Variants in TRERF1 observed in about 807,000 individuals in gnomAD.
TRERF1 encodes the protein transcriptional regulating factor 1.
Under a neutral mutation model 122.9 loss-of-function variants are expected in TRERF1, and 27 were observed. The observed-to-expected ratio is 0.22, with a 90% CI of 0.16 to 0.30. The LOEUF is 0.30. TRERF1 is among the 10% of genes least tolerant of loss of function. The pLI is 1.00. For synonymous variants in TRERF1, 636 were observed against 641.7 expected, an observed-to-expected ratio of 0.99 and a Z score of 0.13; for missense variants, 1,248 against 1,560.3, an observed-to-expected ratio of 0.80 and a Z score of 3.37.
intron 2 of TRERF1, among the ~76,000 whole-genome samples, chr6:42,421,085 T>C (rs2151557077): frequency 6.6e-6 from 1 of 152,318 alleles, no homozygotes; most frequent in African/African-American, 2.4e-5. Context: ...CCTGGGAAAG[T>C]CATTCAGTCT....
chr6:42,233,003 C>T (rs1434694437), intron 16 of TRERF1, 75 bp from the exon 17 acceptor site: 6 of 1,428,642 alleles, frequency 4.2e-6, no homozygotes, highest in African/African-American at 1.4e-5. Context: ...TGACAGGGCA[C>T]AAGGGTTTTA....
At chr6:42,242,438 A>G (rs1039370632) in intron 15 of TRERF1, among the ~76,000 whole-genome samples, 3 of 152,230 alleles carry the variant, frequency 2.0e-5, no homozygotes, top group Non-Finnish European at 2.9e-5. Flanking sequence ...ACTTTCACTG[A>G]TGGTGACAAA....
At chr6:42,270,077 T>G (rs1194594750) in intron 4 of TRERF1, among the ~76,000 whole-genome samples, 1 of 152,166 alleles carries the variant, frequency 6.6e-6, no homozygotes, top group Non-Finnish European at 1.5e-5. Flanking sequence ...TCCCAGCTGC[T>G]CAGGAGGCTG....
chr6:42,395,743 G>A (rs927113410), intron 2 of TRERF1, among the ~76,000 whole-genome samples: 14 of 151,798 alleles, frequency 9.2e-5, no homozygotes, highest in South Asian at 2.1e-4. Context: ...TTTCATGAGC[G>A]TATCTAAGCC....
intron 3 of TRERF1, among the ~76,000 whole-genome samples, chr6:42,360,771 TAA>T (rs55924002): frequency 0.013 from 487 of 36,392 alleles, 1 homozygote; most frequent in Middle Eastern, 0.077. Flanking sequence ...GTGGAGAGAT[TAA>T]AAAAAAAAAA....
intron 12 of TRERF1, 118 bp downstream of exon 12, chr6:42,256,610 T>C: frequency 5.1e-6 from 4 of 791,662 alleles, no homozygotes; most frequent in Middle Eastern, 3.5e-4. Context: ...GGCGTGCTGA[T>C]TGGTCATCAT....
At chr6:42,442,828 G>A (rs1786769459) in intron 2 of TRERF1, among the ~76,000 whole-genome samples, 1 of 152,128 alleles carries the variant, frequency 6.6e-6, no homozygotes, top group African/African-American at 2.4e-5. Flanking sequence ...ATTTCAGAGT[G>A]CACAAAATTT....
At chr6:42,435,919 G>T (rs1222807331) in intron 2 of TRERF1, among the ~76,000 whole-genome samples, 1 of 151,730 alleles carries the variant, frequency 6.6e-6, no homozygotes, top group Non-Finnish European at 1.5e-5. Flanking sequence ...GGCGGAGGTT[G>T]CAGTGAGCTG....
chr6:42,383,267 G>C (rs147661033), intron 2 of TRERF1, among the ~76,000 whole-genome samples: 1 of 152,246 alleles, frequency 6.6e-6, no homozygotes, highest in East Asian at 1.9e-4. Flanking sequence ...GCATAGTTTT[G>C]AAAATGTAAC....
intron 2 of TRERF1, among the ~76,000 whole-genome samples, chr6:42,442,619 G>C (rs1306129695): frequency 6.6e-6 from 1 of 152,198 alleles, no homozygotes; most frequent in Non-Finnish European, 1.5e-5. Context: ...TTAAAGCTTT[G>C]TGCTCCAGAA....
chr6:42,262,456 GA>G (rs1778217885), intron 8 of TRERF1, among the ~76,000 whole-genome samples: 1 of 9,372 alleles, frequency 1.1e-4, no homozygotes. Context: ...GAGAGAGAGA[GA>G]GAGAGAGAGG....
chr6:42,400,016 G>C (rs114457753), intron 2 of TRERF1, among the ~76,000 whole-genome samples: 1,581 of 152,294 alleles, frequency 0.01, 14 homozygotes, highest in Non-Finnish European at 0.017. Flanking sequence ...GAGTCACTGT[G>C]AGACTGTGGA....
intron 2 of TRERF1, among the ~76,000 whole-genome samples, chr6:42,364,897 G>A (rs1772441202): frequency 6.6e-6 from 1 of 152,194 alleles, no homozygotes; most frequent in African/African-American, 2.4e-5. Flanking sequence ...TGAGGTCCCA[G>A]GGGCCGCAGG....
At chr6:42,256,743 G>T (rs773253294) in exon 12 of TRERF1, 1 of 1,613,972 alleles carries the variant, frequency 6.2e-7, no homozygotes, top group South Asian at 1.1e-5. Flanking sequence ...CATCACCTTT[G>T]GCCTCAAACA....
rs746732115 is a variant in TRERF1 at position 42,228,503 on chromosome 6, G to T, written c.3445C>A (p.Gln1149Lys). ...TTGATGGGTTTGATCAGACTCAGCT[G>T]GTCCAGGGGCAGCAGCCCCGGCGCC... The change falls in exon 18 of 18, where the codon CAG (glutamine) becomes AAG (lysine). Residue 1149 changes from glutamine (Q) to lysine (K), a missense_variant. Around this residue, in one of 5 missense-constraint regions of TRERF1, gnomAD observed 84 missense variants for 116.0 expected, o/e 0.72. Transcript: ENST00000372922. The surrounding 1 kb of genome is among the most constrained non-coding windows in gnomAD (Gnocchi z 4.2). 1 of 1,614,080 alleles carries T rather than the reference G, an allele frequency of 6.2e-7. No homozygotes were observed.
intron 2 of TRERF1, among the ~76,000 whole-genome samples, chr6:42,374,137 T>TAAAA (rs373255205): frequency 1.6e-5 from 2 of 127,424 alleles, no homozygotes; most frequent in African/African-American, 6.3e-5. Context: ...GTCTTTTTTT[T>TAAAA]AAAAAAAAAA....
intron 15 of TRERF1, among the ~76,000 whole-genome samples, chr6:42,241,870 G>C (rs181741441): frequency 6.6e-6 from 1 of 152,308 alleles, no homozygotes; most frequent in Admixed American, 6.5e-5. Flanking sequence ...CAAGGCAGGA[G>C]GACTGCTTAA....
intron 2 of TRERF1, among the ~76,000 whole-genome samples, chr6:42,378,492 T>C (rs1211750703): frequency 6.6e-6 from 1 of 152,028 alleles, no homozygotes; most frequent in African/African-American, 2.4e-5. Flanking sequence ...ATCAAGAAAG[T>C]CATGGTTTCA....
intron 2 of TRERF1, among the ~76,000 whole-genome samples, chr6:42,371,323 C>G (rs754706378): frequency 2.2e-4 from 34 of 152,234 alleles, no homozygotes; most frequent in Non-Finnish European, 3.7e-4. Context: ...AAACAAAGAA[C>G]TCTCAACCTT....
Sources: allele counts gnomAD v4.1 joint callset (sites outside exome capture counted in the v4.1 genomes callset), GRCh38; gene constraint gnomAD v4.1.1; regional missense constraint gnomAD v4.1.1; non-coding constraint Gnocchi (gnomAD v3.1); transcripts MANE v1.5; gene names NCBI Gene and HGNC (gene_info 2026-07-23, HGNC 2026-07-21).